ARID1A: variants seen among roughly 807,000 people sequenced by gnomAD.
ARID1A encodes AT-rich interactive domain-containing protein 1A.
In ARID1A, 20 loss-of-function variants were observed where a neutral mutation model predicts 212.6. That is an observed-to-expected ratio of 0.09 (90% CI 0.07 to 0.14). The LOEUF (loss-of-function observed/expected upper bound fraction) is 0.14, where lower values mean the gene tolerates loss of function less well. Among genes scored for constraint, ARID1A ranks in the 10% least tolerant of loss-of-function variants. ARID1A has a pLI of 1.00. For missense variants in ARID1A, 2,587 were observed against 3,059.0 expected (o/e 0.85, Z 3.64); for synonymous variants, 1,376 against 1,222.1 (o/e 1.13, Z -2.63).
intron 4 of ARID1A, among the ~76,000 whole-genome samples, chr1:26,746,960 T>C (rs1262787402): frequency 1.3e-5 from 2 of 152,030 alleles, no homozygotes; most frequent in African/African-American, 4.8e-5. Context: ...GAGAATTGCT[T>C]GAACCCGGGA....
chr1:26,776,157 A>G (rs1048533813), intron 19 of ARID1A, among the ~76,000 whole-genome samples: 1 of 151,936 alleles, frequency 6.6e-6, no homozygotes, highest in African/African-American at 2.4e-5. Flanking sequence ...TCAAATTTTT[A>G]TCAGTGAGCA....
At chr1:26,711,131 CAG>C (rs1455996573) in intron 1 of ARID1A, among the ~76,000 whole-genome samples, 4 of 151,026 alleles carry the variant, frequency 2.6e-5, no homozygotes, top group African/African-American at 9.7e-5. Flanking sequence ...TTTTTTGAGA[CAG>C]AGTCTCGCTT....
chr1:26,760,143 C>T (rs1324762916), intron 4 of ARID1A, among the ~76,000 whole-genome samples: 1 of 152,194 alleles, frequency 6.6e-6, no homozygotes, highest in African/African-American at 2.4e-5. Context: ...ACTAAAGCCT[C>T]ACTGAAATAG....
At chr1:26,721,292 ACCT>A (rs1294112004) in intron 1 of ARID1A, among the ~76,000 whole-genome samples, 1 of 151,462 alleles carries the variant, frequency 6.6e-6, no homozygotes, top group East Asian at 1.9e-4. Context: ...GCTCACTGTG[ACCT>A]CCACCTCCCA....
intron 8 of ARID1A, 40 bp from the exon 9 acceptor site, chr1:26,766,181 T>G (rs749875518): frequency 8.8e-5 from 141 of 1,601,028 alleles, no homozygotes; most frequent in Non-Finnish European, 1.1e-4. Flanking sequence ...AAGCTCAGAG[T>G]CTAACCTTTG....
At position 26,761,077 on chromosome 1, in the gene ARID1A, C is replaced by T. The variant is rs2080987415; in HGVS notation, c.2142C>T (p.Leu714=). ...ASVAQSRSGP[L]SPAAVPGNQM... The stretch of plus-strand genomic sequence containing the variant: ...TTGCTCAGTCTCGCTCAGGACCACT[C>T]TCGCCTGCTGCAGTGCCAGGTACCC... The change falls in exon 5 of 20, where the codon CTC becomes CTT. Residue 714 remains leucine (L), a synonymous_variant. Coordinates refer to ENST00000324856, the MANE Select transcript of ARID1A (RefSeq NM_006015.6). 6 of 1,614,052 alleles carry T rather than the reference C, an allele frequency of 3.7e-6. No individual in the cohort carries two copies. The highest frequency in any genetic ancestry group is 1.3e-5 in the African/African-American group (1 of 74,944).
At chr1:26,732,612 G>A in intron 3 of ARID1A, 64 bp from the exon 4 acceptor site, 1 of 1,329,502 alleles carries the variant, frequency 7.5e-7, no homozygotes. Context: ...CCCTTTCACA[G>A]TGAAGTAAGC....
chr1:26,756,741 C>G (rs1182690524), intron 4 of ARID1A, among the ~76,000 whole-genome samples: 4 of 151,404 alleles, frequency 2.6e-5, no homozygotes, highest in Non-Finnish European at 2.9e-5. Context: ...CTCGCTCTGT[C>G]GCCCAGGCTG....
chr1:26,775,814 T>A, intron 19 of ARID1A, 107 bp downstream of exon 19: 1 of 1,522,200 alleles, frequency 6.6e-7, no homozygotes, highest in Non-Finnish European at 9.0e-7. Flanking sequence ...TTCTCTCTTG[T>A]AGATATCTTC....
intron 4 of ARID1A, among the ~76,000 whole-genome samples, chr1:26,742,569 T>A (rs2080797892): frequency 6.6e-6 from 1 of 152,224 alleles, no homozygotes; most frequent in Non-Finnish European, 1.5e-5. Context: ...GGCCCCATCC[T>A]AGATTTATTG....
chr1:26,719,122 A>ACATT (rs1215563652), intron 1 of ARID1A, among the ~76,000 whole-genome samples: 1 of 152,188 alleles, frequency 6.6e-6, no homozygotes, highest in Non-Finnish European at 1.5e-5. Flanking sequence ...TTTCTCTTCT[A>ACATT]CATTCCCCTT....
chr1:26,705,806 T>C (rs2080386513), intron 1 of ARID1A, among the ~76,000 whole-genome samples: 1 of 152,220 alleles, frequency 6.6e-6, no homozygotes, highest in Non-Finnish European at 1.5e-5. Context: ...TGTTTGTTTT[T>C]GTTAGTCACT....
Position 26,773,625 on chromosome 1 carries a change from C to A in ARID1A, c.3912C>A (p.Ala1304=), listed in dbSNP as rs1004052101. 4 of 1,614,146 alleles carry A rather than the reference C, an allele frequency of 2.5e-6. No individual in the cohort carries two copies. The highest frequency in any genetic ancestry group is 1.7e-5 in the Admixed American group (1 of 60,016). The change falls in exon 16 of 20, where the codon GCC becomes GCA. Residue 1304 remains alanine, a synonymous_variant. Transcript: ENST00000324856. ...IGPEGNMSTG[A]PQPNLMPSNP... is the part of the protein sequence containing the mutation. ...CTGAGGGAAACATGAGCACTGGGGC[C>A]CCACAGCCGAATCTCATGCCTTCCA...
rs150956702 is a variant in ARID1A, at chr1:26,762,616, TA to T, written c.2419+298del. 5.5e-3 allele frequency among the ~76,000 whole-genome samples: 833 copies of T among 152,382 alleles called. 5 individuals are homozygous for T. The highest frequency in any genetic ancestry group is 0.019 in the African/African-American group (787 of 41,598). On this transcript the variant is annotated intron_variant, in intron 7 of 19. Coordinates refer to ENST00000324856, the MANE Select transcript of ARID1A (RefSeq NM_006015.6). The stretch of plus-strand genomic sequence containing the variant: ...TTTATACATGGTAGCTCTTGGTTAT[TA>T]TTTTTTTATTAATTATTTTTAGTGA...
intron 4 of ARID1A, among the ~76,000 whole-genome samples, chr1:26,733,257 C>CT (rs1266901782): frequency 7.5e-4 from 111 of 147,214 alleles, no homozygotes; most frequent in East Asian, 1.8e-3. Context: ...TGTGTGAATA[C>CT]TTTTTTTTTT....
intron 4 of ARID1A, among the ~76,000 whole-genome samples, chr1:26,736,670 A>G (rs2080733850): frequency 6.6e-6 from 1 of 150,706 alleles, no homozygotes; most frequent in Non-Finnish European, 1.5e-5. Context: ...CAGGAGGCCG[A>G]GGCGGGCAAA....
rs1319181968 is a variant in ARID1A at position 26,696,242 on chromosome 1, C to CGG, written c.-156_-155dup. On this transcript the variant is annotated 5_prime_UTR_variant, in exon 1 of 20. Coordinates refer to ENST00000324856, the MANE Select transcript of ARID1A (RefSeq NM_006015.6). ...CAGCCCGGAGCCTGAGCCGGCGGGG[C>CGG]GGGGGGGAGAGGAGCGAGCGCAGCG... is the stretch of plus-strand genomic sequence containing the variant. 1 of 864,634 alleles carries CGG rather than the reference C, an allele frequency of 1.2e-6. No individual in the cohort carries two copies. Among genetic ancestry groups the CGG allele is most frequent in the African/African-American group, 2.0e-5 (1 of 49,688 alleles). The allele number at this position is 864,634 out of a possible 1,614,324, so 53.6% of individuals were successfully genotyped here.
At chr1:26,705,077 G>T (rs2080375765) in intron 1 of ARID1A, among the ~76,000 whole-genome samples, 1 of 152,096 alleles carries the variant, frequency 6.6e-6, no homozygotes, top group Admixed American at 6.6e-5. Context: ...CCAGTGCCAG[G>T]CCACTGTAAT....
chr1:26,762,809 C>T (rs1007156547), intron 7 of ARID1A, among the ~76,000 whole-genome samples, 164 bp from the exon 8 acceptor site: 2 of 152,210 alleles, frequency 1.3e-5, no homozygotes, highest in Admixed American at 6.5e-5. Flanking sequence ...CCTTTACATG[C>T]TTCTGGAATC....
Sources: gnomAD v4.1 joint callset for allele counts (sites outside exome capture counted in the v4.1 genomes callset) on GRCh38, gnomAD v4.1.1 for gene constraint, MANE v1.5 for transcripts, NCBI Gene and HGNC (gene_info 2026-07-23, HGNC 2026-07-21) for gene names.